The following LRP1B variants were observed in gnomAD, a reference collection of about 807,000 sequenced individuals.
LRP1B encodes low-density lipoprotein receptor-related protein 1B.
LRP1B carries 217 observed loss-of-function variants against 556.6 expected under a neutral mutation model. That is an observed-to-expected ratio of 0.39 (90% CI 0.35 to 0.44). The LOEUF is 0.44. LRP1B is among the 20% of genes least tolerant of loss of function. The probability of loss-of-function intolerance (pLI) is 1.00; values close to 1 mark genes in which losing one functional copy is unlikely to be tolerated. For synonymous variants in LRP1B, 2,047 were observed against 1,865.8 expected (o/e 1.10, Z -2.50); for missense variants, 5,053 against 5,620.8 (o/e 0.90, Z 3.23).
chr2:141,024,305 G>A (rs1046287343), intron 11 of LRP1B, among the ~76,000 whole-genome samples: 3 of 151,954 alleles, frequency 2.0e-5, no homozygotes, highest in Non-Finnish European at 4.4e-5. Flanking sequence ...CTCCTTAGCT[G>A]TTAGGTCAAG....
chr2:142,068,330 G>A (rs571827893), intron 1 of LRP1B, among the ~76,000 whole-genome samples: 32 of 151,610 alleles, frequency 2.1e-4, no homozygotes, highest in Non-Finnish European at 1.5e-4. Flanking sequence ...GACTAAGGAG[G>A]ATTTAATGTT....
rs2104970510 is a variant in LRP1B at position 140,526,352 on chromosome 2, T to A, written c.7763-2A>T. ...ACTCAACCGTGGCACAGGTTGAAAC[T>A]AGAAAAACAGGTACATAAACAAATG... On this transcript the variant is annotated splice_acceptor_variant, in intron 47 of 90. Transcript: ENST00000389484. LOFTEE classifies it high-confidence loss of function. 1 of 1,584,016 alleles carries A rather than the reference T, an allele frequency of 6.3e-7. No homozygotes were observed. The highest frequency in any genetic ancestry group is 8.7e-7 in the Non-Finnish European group (1 of 1,153,470).
chr2:140,457,598 T>C lies in LRP1B; in HGVS notation c.9679A>G (p.Ile3227Val). Reference protein sequence around the residue: ...VIALTLFEDYIYWTDGKTKSL... With the variant: ...VIALTLFEDYVYWTDGKTKSL... ...TTGGTTTTCCCATCAGTCCAGTAGA[T>C]GTAGTCTTCAAACAATGTTAGTGCA... The change falls in exon 61 of 91, where the codon ATC becomes GTC. Residue 3227 changes from isoleucine to valine, a missense_variant. Ile to Val is a conservative substitution (Grantham distance 29, BLOSUM62 3). Around this residue, in one of 5 missense-constraint regions of LRP1B, gnomAD observed 262 missense variants for 395.1 expected, o/e 0.66. Coordinates refer to ENST00000389484, the MANE Select transcript of LRP1B (RefSeq NM_018557.3). 6.2e-7 allele frequency: 1 copy of C among 1,613,818 alleles called. No homozygotes were observed. Among genetic ancestry groups the C allele is most frequent in the Admixed American group, 1.7e-5 (1 of 60,000 alleles).
chr2:140,402,166 T>A (rs1684532412), intron 66 of LRP1B, among the ~76,000 whole-genome samples: 1 of 152,080 alleles, frequency 6.6e-6, no homozygotes, highest in Non-Finnish European at 1.5e-5. Flanking sequence ...CCAGGGTAGG[T>A]GCGGAGAACC....
intron 2 of LRP1B, among the ~76,000 whole-genome samples, chr2:141,731,855 G>C (rs1179719419): frequency 6.6e-6 from 1 of 152,100 alleles, no homozygotes; most frequent in Non-Finnish European, 1.5e-5. Context: ...CCACACTACT[G>C]TTTTTCTCAC....
chr2:142,107,089 G>A (rs550549746), intron 1 of LRP1B, among the ~76,000 whole-genome samples: 68 of 152,134 alleles, frequency 4.5e-4, no homozygotes, highest in African/African-American at 1.6e-3. Flanking sequence ...AATTCTGTGA[G>A]ATGAGAAAAA....
chr2:141,826,381 A>G (rs1320364216), intron 1 of LRP1B, among the ~76,000 whole-genome samples: 5 of 105,738 alleles, frequency 4.7e-5, no homozygotes, highest in Non-Finnish European at 3.5e-5. Context: ...TTTTTTTGAG[A>G]CGGAGTCTCG....
chr2:140,933,660 A>T (rs75048969), intron 20 of LRP1B, among the ~76,000 whole-genome samples: 3,684 of 152,206 alleles, frequency 0.024, 138 homozygotes, highest in African/African-American at 0.084. Context: ...GTGCATAATA[A>T]TTGTCTTACT....
intron 1 of LRP1B, among the ~76,000 whole-genome samples, chr2:142,052,643 G>T (rs1035736250): frequency 6.6e-6 from 1 of 152,026 alleles, no homozygotes; most frequent in Non-Finnish European, 1.5e-5. Context: ...GCGCTCTCAG[G>T]GTGCTGCTCT....
chr2:142,035,776 G>T (rs762527866), intron 1 of LRP1B, among the ~76,000 whole-genome samples: 1 of 151,558 alleles, frequency 6.6e-6, no homozygotes, highest in Non-Finnish European at 1.5e-5. Flanking sequence ...GTTACACCAC[G>T]ATATGGTTTC....
rs79996192 is a variant in LRP1B at position 140,569,561 on chromosome 2, T to G, written c.7195-27590A>C. On this transcript the variant is annotated intron_variant, in intron 43 of 90. Transcript: ENST00000389484. ...AGCACACAATATAAACCAAATGTTATTAATTTTGAAGAAAGGAAGATAGGC... is the reference window on the plus strand; with the variant it reads ...AGCACACAATATAAACCAAATGTTAGTAATTTTGAAGAAAGGAAGATAGGC... 5.4e-3 allele frequency among the ~76,000 whole-genome samples: 824 copies of G among 152,012 alleles called. 6 individuals carry two copies. Among genetic ancestry groups the G allele is most frequent in the African/African-American group, 0.013 (550 of 41,552 alleles).
At chr2:140,736,187 A>T (rs1573641523) in intron 35 of LRP1B, among the ~76,000 whole-genome samples, 1 of 152,136 alleles carries the variant, frequency 6.6e-6, no homozygotes, top group Non-Finnish European at 1.5e-5. Flanking sequence ...TTATGTGAGA[A>T]AGGAAAACCC....
rs577226554 is a variant in LRP1B, at chr2:141,561,100, T to C, written c.206-80567A>G. The stretch of plus-strand genomic sequence containing the variant: ...GTTAAAGATTATGAGCTTTTTGAAA[T>C]GAGGGAAATTATATTTTAAAATATT... On this transcript the variant is annotated intron_variant, in intron 2 of 90. Transcript: ENST00000389484. Among the ~76,000 whole-genome samples the C allele has an allele frequency of 4.0e-5, 6 of 151,834 alleles. No individual in the cohort carries two copies. The South Asian group carries it at 1.0e-3, about 26-fold the overall frequency.
At chr2:140,945,806 G>T (rs12474392) in intron 20 of LRP1B, among the ~76,000 whole-genome samples, 88,216 of 151,994 alleles carry the variant, frequency 0.58, 27,669 homozygotes, top group Non-Finnish European at 0.68. Context: ...CATAGGCAAA[G>T]AATTTATGAC....
chr2:140,479,411 A>G (rs963552808), intron 59 of LRP1B, among the ~76,000 whole-genome samples: 29 of 152,274 alleles, frequency 1.9e-4, no homozygotes, highest in African/African-American at 7.0e-4. Flanking sequence ...TGTTTACCCC[A>G]ATCTCATATG....
At chr2:141,399,589 C>A (rs1194350509) in intron 3 of LRP1B, among the ~76,000 whole-genome samples, 1 of 152,084 alleles carries the variant, frequency 6.6e-6, no homozygotes, top group Non-Finnish European at 1.5e-5. Context: ...ATAACTATAA[C>A]CCCCAAACCT....
At chr2:141,281,190 AG>A (rs1184280550) in intron 3 of LRP1B, among the ~76,000 whole-genome samples, 1 of 152,010 alleles carries the variant, frequency 6.6e-6, no homozygotes, top group Non-Finnish European at 1.5e-5. Flanking sequence ...CTGGCAGCAA[AG>A]GGTACCTTGA....
At chr2:141,535,081 C>T (rs1685023963) in intron 2 of LRP1B, among the ~76,000 whole-genome samples, 2 of 152,150 alleles carry the variant, frequency 1.3e-5, no homozygotes, top group South Asian at 4.1e-4. Context: ...TGTGCACTTC[C>T]CAATCACTTT....
chr2:141,163,593 G>A (rs921032274), intron 7 of LRP1B, among the ~76,000 whole-genome samples: 3 of 151,966 alleles, frequency 2.0e-5, no homozygotes, highest in African/African-American at 7.2e-5. Context: ...GGGACTTGGT[G>A]GGAGATACTG....
Sources: allele counts gnomAD v4.1 joint callset (sites outside exome capture counted in the v4.1 genomes callset), GRCh38; gene constraint gnomAD v4.1.1; regional missense constraint gnomAD v4.1.1; transcripts MANE v1.5; gene names NCBI Gene and HGNC (gene_info 2026-07-23, HGNC 2026-07-21).